Variants in GALNT13 observed in about 807,000 individuals in gnomAD.
The protein encoded by GALNT13 is UDP-GalNAc:polypeptide N-acetylgalactosaminyltransferase 13.
In GALNT13, 28 loss-of-function variants were observed where a neutral mutation model predicts 64.2. The ratio of observed to expected loss-of-function variants is 0.44; its 90% CI spans 0.32 to 0.60. The LOEUF is 0.60. GALNT13 is among the 20% of genes least tolerant of loss of function. The probability of loss-of-function intolerance (pLI) is 0.05; values close to 1 mark genes in which losing one functional copy is unlikely to be tolerated. For missense variants in GALNT13, 577 were observed against 669.8 expected (o/e 0.86, Z 1.53); for synonymous variants, 214 against 224.6 (o/e 0.95, Z 0.42).
chr2:153,118,936 C>G, the GALNT13 span, among the ~76,000 whole-genome samples: 4 of 152,092 alleles, frequency 2.6e-5, no homozygotes, highest in Non-Finnish European at 5.9e-5. Context: ...GTGGGAGGAA[C>G]CTGGTGGGAG....
the GALNT13 span, among the ~76,000 whole-genome samples, chr2:153,440,975 G>T: frequency 3.3e-5 from 5 of 151,996 alleles, no homozygotes; most frequent in Admixed American, 3.3e-4. Flanking sequence ...GTCAATATTG[G>T]CTTTTGTTGC....
intron 9 of GALNT13, among the ~76,000 whole-genome samples, chr2:154,375,071 C>G (rs540634267): frequency 1.3e-5 from 2 of 152,278 alleles, no homozygotes; most frequent in South Asian, 4.1e-4. Flanking sequence ...ACTGCAAGCT[C>G]CGGTTCCCGG....
At chr2:154,063,097 T>G (rs1700278303) in intron 3 of GALNT13, among the ~76,000 whole-genome samples, 1 of 152,120 alleles carries the variant, frequency 6.6e-6, no homozygotes, top group Non-Finnish European at 1.5e-5. Flanking sequence ...AGAGTTGATG[T>G]GTTTTTGTCA....
the GALNT13 span, among the ~76,000 whole-genome samples, chr2:153,355,842 G>A: frequency 6.6e-6 from 1 of 152,182 alleles, no homozygotes; most frequent in African/African-American, 2.4e-5. Flanking sequence ...TAAGTGCTCA[G>A]TAAATGTTAT....
At chr2:154,073,931 T>A (rs1221020834) in intron 3 of GALNT13, among the ~76,000 whole-genome samples, 2 of 151,946 alleles carry the variant, frequency 1.3e-5, no homozygotes, top group Non-Finnish European at 2.9e-5. Flanking sequence ...TAGTTTCTAA[T>A]AAGGCAGATA....
chr2:154,289,089 T>TTC (rs1692450565), intron 8 of GALNT13, among the ~76,000 whole-genome samples: 1 of 152,064 alleles, frequency 6.6e-6, no homozygotes, highest in Non-Finnish European at 1.5e-5. Flanking sequence ...TAGGCAGAGG[T>TTC]TCCCAAACCT....
At chr2:153,960,803 A>G (rs2105092707) in intron 3 of GALNT13, among the ~76,000 whole-genome samples, 1 of 152,288 alleles carries the variant, frequency 6.6e-6, no homozygotes, top group Middle Eastern at 3.4e-3. Flanking sequence ...TTATTTGCTG[A>G]TGTTTATAAT....
intron 3 of GALNT13, among the ~76,000 whole-genome samples, chr2:153,963,305 A>C: frequency 6.6e-6 from 1 of 152,164 alleles, no homozygotes; most frequent in Non-Finnish European, 1.5e-5. Context: ...ATGGAGTACA[A>C]TTATCTTTAT....
chr2:153,325,058 A>G, the GALNT13 span, among the ~76,000 whole-genome samples: 1 of 149,416 alleles, frequency 6.7e-6, no homozygotes, highest in Admixed American at 6.7e-5. Flanking sequence ...AAGGAATGGT[A>G]CCAGCTCCTC....
In GALNT13 at chr2:154,309,532, G is replaced by T. The variant is rs56136801; in HGVS notation, c.1156+7943G>T. ...TTCAACTCATGGCAGAAGGTGGAAG[G>T]GGAAATGGGTATGTGCAAGGAGACC... On this transcript the variant is annotated intron_variant, in intron 9 of 12. Coordinates refer to ENST00000392825, the MANE Select transcript of GALNT13 (RefSeq NM_052917.4). Among the ~76,000 whole-genome samples the T allele has an allele frequency of 3.0e-3, 452 of 152,296 alleles. 1 individual carries two copies. The highest frequency in any genetic ancestry group is 6.0e-3 in the Admixed American group (91 of 15,286).
intron 9 of GALNT13, among the ~76,000 whole-genome samples, chr2:154,324,336 C>A (rs72855842): frequency 0.015 from 2,213 of 151,930 alleles, 23 homozygotes; most frequent in Non-Finnish European, 0.021. Flanking sequence ...TTTAAAATTA[C>A]ATGCAAAGGG....
intron 3 of GALNT13, among the ~76,000 whole-genome samples, chr2:153,984,974 A>T (rs1338652691): frequency 6.6e-6 from 1 of 151,872 alleles, no homozygotes; most frequent in African/African-American, 2.4e-5. Flanking sequence ...AGGGGGTCAA[A>T]TCCTGTTGCT....
chr2:153,559,213 T>A, the GALNT13 span, among the ~76,000 whole-genome samples: 11 of 152,328 alleles, frequency 7.2e-5, no homozygotes, highest in African/African-American at 2.4e-4. Flanking sequence ...ATAGCCAGTT[T>A]GTATTGAAAG....
At chr2:153,620,430 G>C in the GALNT13 span, among the ~76,000 whole-genome samples, 1 of 151,880 alleles carries the variant, frequency 6.6e-6, no homozygotes. Flanking sequence ...AGCCCTGTAG[G>C]CATTCTTAAT....
intron 3 of GALNT13, among the ~76,000 whole-genome samples, chr2:153,986,845 A>T (rs1694834039): frequency 6.6e-6 from 1 of 152,024 alleles, no homozygotes; most frequent in South Asian, 2.1e-4. Flanking sequence ...ATGTCCTGGT[A>T]AAACTTGTAT....
At chr2:153,597,684 A>T in the GALNT13 span, among the ~76,000 whole-genome samples, 1 of 152,116 alleles carries the variant, frequency 6.6e-6, no homozygotes, top group African/African-American at 2.4e-5. Context: ...TCAAGAAAGT[A>T]AAAAGACAGA....
the GALNT13 span, among the ~76,000 whole-genome samples, chr2:153,676,232 A>T: frequency 6.6e-6 from 1 of 152,164 alleles, no homozygotes; most frequent in Non-Finnish European, 1.5e-5. Flanking sequence ...ATTATTATGA[A>T]CGTCTCTATG....
chr2:153,967,605 A>G (rs1693460335), intron 3 of GALNT13, among the ~76,000 whole-genome samples: 1 of 152,060 alleles, frequency 6.6e-6, no homozygotes, highest in East Asian at 1.9e-4. Flanking sequence ...GTTTTTCTCC[A>G]TGTGGCACTG....
chr2:153,948,484 C>T (rs1296269156), intron 3 of GALNT13, among the ~76,000 whole-genome samples: 1 of 152,072 alleles, frequency 6.6e-6, no homozygotes, highest in African/African-American at 2.4e-5. Context: ...AAATACTATT[C>T]AACCCAGCAA....
Sources: allele counts gnomAD v4.1 joint callset (sites outside exome capture counted in the v4.1 genomes callset), GRCh38; gene constraint gnomAD v4.1.1; transcripts MANE v1.5; gene names NCBI Gene and HGNC (gene_info 2026-07-23, HGNC 2026-07-21).